The following LINS1 variants were observed in gnomAD, a reference collection of about 807,000 sequenced individuals.
LINS1 encodes lines homolog 1.
Under a neutral mutation model 41.6 loss-of-function variants are expected in LINS1, and 27 were observed. That is an observed-to-expected ratio of 0.65 (90% CI 0.48 to 0.89). The LOEUF (loss-of-function observed/expected upper bound fraction) is 0.89, where lower values mean the gene tolerates loss of function less well. Among genes scored for constraint, LINS1 ranks in the 40% least tolerant of loss-of-function variants. The pLI, the probability that LINS1 is intolerant of heterozygous loss-of-function variation, is 0.00. For missense variants in LINS1, 955 were observed against 884.1 expected (o/e 1.08, Z -1.02); for synonymous variants, 336 against 312.9 (o/e 1.07, Z -0.78).
chr15:100,574,989 G>C lies in LINS1; in HGVS notation c.629C>G (p.Thr210Arg). 6.2e-7 allele frequency: 1 copy of C among 1,612,198 alleles called. No individual in the cohort carries two copies. Among genetic ancestry groups the C allele is most frequent in the Non-Finnish European group, 8.5e-7 (1 of 1,179,318 alleles). Residue 210 changes from threonine to arginine, a missense_variant and splice_region_variant, in exon 4 of 7, where the codon ACA (threonine) becomes AGA (arginine). By Grantham distance (71) the Thr-to-Arg change is moderately conservative. Coordinates refer to ENST00000314742, the MANE Select transcript of LINS1 (RefSeq NM_001040616.3). ...TTATGGGGCCATGTAATCCATACCT[G>C]TTTTCTGTGAACATGAATCTTTAAA... is the stretch of plus-strand genomic sequence containing the variant. ...EIFKDSCSQK[T>R]EILKQFLTHF...
At chr15:100,574,340 A>C (rs1345693836) in intron 4 of LINS1, 99 bp from the exon 5 acceptor site, 1 of 829,556 alleles carries the variant, frequency 1.2e-6, no homozygotes, top group Non-Finnish European at 2.0e-6. Context: ...AAGATGAAAA[A>C]ACAGATTTGG....
At chr15:100,596,005 C>T (rs1041825393) in intron 1 of LINS1, among the ~76,000 whole-genome samples, 1 of 152,178 alleles carries the variant, frequency 6.6e-6, no homozygotes, top group African/African-American at 2.4e-5. Context: ...AGATATCTTC[C>T]GACAGCATGC....
chr15:100,586,606 A>G lies in LINS1; in HGVS notation c.-103-5661T>C, dbSNP rs533629891. ...GTTAACACATAATTCTGTAAACAAA[A>G]TGTGCCAAAAAGTTTATATTACTAG... On this transcript the variant is annotated intron_variant, in intron 1 of 6. Coordinates refer to ENST00000314742, the MANE Select transcript of LINS1 (RefSeq NM_001040616.3). 3.3e-5 allele frequency among the ~76,000 whole-genome samples: 5 copies of G among 152,354 alleles called. No homozygotes were observed. In the East Asian group the frequency reaches 9.6e-4, roughly 29 times the overall value.
intron 1 of LINS1, among the ~76,000 whole-genome samples, chr15:100,586,648 T>G (rs1388125241): frequency 1.3e-5 from 2 of 152,184 alleles, no homozygotes; most frequent in African/African-American, 4.8e-5. Context: ...AAATAATAAT[T>G]TTGTCTAATT....
intron 1 of LINS1, among the ~76,000 whole-genome samples, chr15:100,585,394 T>C (rs2038755341): frequency 6.6e-6 from 1 of 152,180 alleles, no homozygotes; most frequent in Admixed American, 6.5e-5. Flanking sequence ...AGTGGGATGG[T>C]GTTGCATGCA....
rs1198074890 is a variant in LINS1, at chr15:100,575,020, CT to C, written c.597del (p.Glu200LysfsTer14). ...YCLWTLTAII[K>X]EIFKDSCSQK... ...TGTGAACATGAATCTTTAAAGATTT[CT>C]TTTATTATTGCTGTAAGAGTCCAGA... is the stretch of plus-strand genomic sequence containing the variant. On this transcript the variant is annotated frameshift_variant, in exon 4 of 7. Coordinates refer to ENST00000314742, the MANE Select transcript of LINS1 (RefSeq NM_001040616.3). LOFTEE classifies it high-confidence loss of function. 2 of 1,612,832 alleles carry C rather than the reference CT, an allele frequency of 1.2e-6. No homozygotes were observed. Among genetic ancestry groups the C allele is most frequent in the Non-Finnish European group, 1.7e-6 (2 of 1,179,508 alleles).
intron 1 of LINS1, among the ~76,000 whole-genome samples, chr15:100,587,782 T>C (rs1333243352): frequency 1.3e-5 from 2 of 152,252 alleles, no homozygotes; most frequent in East Asian, 1.9e-4. Context: ...GGCTTCCTGA[T>C]ACTTTAAGTG....
chr15:100,590,947 G>A (rs897778237), intron 1 of LINS1, among the ~76,000 whole-genome samples: 3 of 152,188 alleles, frequency 2.0e-5, no homozygotes, highest in Admixed American at 2.0e-4. Flanking sequence ...GGGAGGCCGA[G>A]GCGGGCAGAT....
chr15:100,588,503 TAAAG>T (rs2038906033), intron 1 of LINS1, among the ~76,000 whole-genome samples: 1 of 152,222 alleles, frequency 6.6e-6, no homozygotes, highest in Non-Finnish European at 1.5e-5. Context: ...ATCTGAGAAA[TAAAG>T]ACAGTTTTTA....
chr15:100,575,206 A>G, intron 3 of LINS1, 78 bp from the exon 4 acceptor site: 1 of 1,309,102 alleles, frequency 7.6e-7, no homozygotes, highest in South Asian at 1.2e-5. Flanking sequence ...AACATTGTTT[A>G]TACATTTGGC....
Position 100,569,996 on chromosome 15 carries a change from A to C in LINS1, c.1516T>G (p.Ser506Ala). 11 of 1,561,260 alleles carry C rather than the reference A, an allele frequency of 7.0e-6. No individual in the cohort carries two copies. The highest frequency in any genetic ancestry group is 9.5e-6 in the Non-Finnish European group (11 of 1,156,458). Residue 506 changes from serine to alanine, a missense_variant, in exon 7 of 7, where the codon TCC becomes GCC. Ser to Ala is a moderately conservative substitution (Grantham distance 99). Coordinates refer to ENST00000314742, the MANE Select transcript of LINS1 (RefSeq NM_001040616.3). ...LFFLKNIGFD[S>A]TVLLDFLISS... is the part of the protein sequence containing the mutation. ...ATCAAAAAGTCAAGAAGAACTGTGG[A>C]ATCAAATCCTATATTTTTCAAGAAG...
Position 100,569,140 on chromosome 15 carries a change from A to AAT in LINS1, c.*97_*98insAT. 3 of 808,700 alleles carry AAT rather than the reference A, an allele frequency of 3.7e-6. No homozygotes were observed. Among genetic ancestry groups the AAT allele is most frequent in the Non-Finnish European group, 3.9e-6 (2 of 514,948 alleles). The allele number at this position is 808,700 out of a possible 1,614,324, so 50.1% of individuals were successfully genotyped here. On this transcript the variant is annotated 3_prime_UTR_variant, in exon 7 of 7. Coordinates refer to ENST00000314742, the MANE Select transcript of LINS1 (RefSeq NM_001040616.3). ...TCTGTCTCAAAAAAAAAAAAAAAAA[A>AAT]GAAAACCCTTTTATGGTGATGATTT...
intron 1 of LINS1, among the ~76,000 whole-genome samples, chr15:100,600,780 C>T (rs1014704664): frequency 1.3e-5 from 2 of 152,214 alleles, no homozygotes; most frequent in African/African-American, 4.8e-5. Flanking sequence ...ACTGCCACTA[C>T]TGCACTTCTA....
chr15:100,571,607 C>T (rs1337722459), intron 6 of LINS1, among the ~76,000 whole-genome samples: 1 of 152,180 alleles, frequency 6.6e-6, no homozygotes, highest in Non-Finnish European at 1.5e-5. Context: ...AAATGAACAA[C>T]AATTAAGATT....
At chr15:100,584,506 A>G (rs2038710167) in intron 1 of LINS1, among the ~76,000 whole-genome samples, 1 of 147,470 alleles carries the variant, frequency 6.8e-6, no homozygotes, top group Admixed American at 6.7e-5. Flanking sequence ...TGATTGTGAG[A>G]AATTAGACTG....
intron 1 of LINS1, among the ~76,000 whole-genome samples, chr15:100,591,611 T>C (rs982343155): frequency 1.3e-5 from 2 of 152,210 alleles, no homozygotes; most frequent in African/African-American, 4.8e-5. Flanking sequence ...GTTTTGTTTT[T>C]TTTCCGCAAA....
chr15:100,575,116 T>C lies in LINS1; in HGVS notation c.502A>G (p.Asn168Asp), dbSNP rs1417640211. The C allele has an allele frequency of 3.1e-6, 5 of 1,611,638 alleles. No homozygotes were observed. The change falls in exon 4 of 7, where the codon AAT (asparagine) becomes GAT (aspartate). Residue 168 changes from asparagine (N) to aspartate (D), a missense_variant. Transcript: ENST00000314742. ...TTCTGGCAAAAAGCAATCCAGGAATTACTTAAGGTTATCTACAAGTGAGAA... is the reference window on the plus strand; with the variant it reads ...TTCTGGCAAAAAGCAATCCAGGAATCACTTAAGGTTATCTACAAGTGAGAA... ...FQLREKITLS[N>D]SWIAFCQKNL...
At chr15:100,592,933 C>A (rs1398751040) in intron 1 of LINS1, among the ~76,000 whole-genome samples, 1 of 152,192 alleles carries the variant, frequency 6.6e-6, no homozygotes, top group African/African-American at 2.4e-5. Context: ...GAATTGAAAA[C>A]TGTAGTTTGT....
intron 1 of LINS1, among the ~76,000 whole-genome samples, chr15:100,601,650 T>C (rs1160435902): frequency 6.6e-6 from 1 of 152,138 alleles, no homozygotes; most frequent in African/African-American, 2.4e-5. Context: ...GATAATTTTG[T>C]GTTTGTTTCC....
Sources: allele counts gnomAD v4.1 joint callset (sites outside exome capture counted in the v4.1 genomes callset), GRCh38; gene constraint gnomAD v4.1.1; transcripts MANE v1.5; gene names NCBI Gene and HGNC (gene_info 2026-07-23, HGNC 2026-07-21).